The following CACNG7 variants were observed in gnomAD, a reference collection of about 807,000 sequenced individuals.
CACNG7 encodes voltage-dependent calcium channel gamma-7 subunit.
A neutral mutation model predicts 26.3 loss-of-function variants in CACNG7; 9 were observed. The ratio of observed to expected loss-of-function variants is 0.34; its 90% CI spans 0.21 to 0.60. The LOEUF is 0.60. Among genes scored for constraint, CACNG7 ranks in the 20% least tolerant of loss-of-function variants. The pLI is 0.81. For synonymous variants in CACNG7, 170 were observed against 157.0 expected (o/e 1.08, Z -0.62); for missense variants, 297 against 380.4 (o/e 0.78, Z 1.82).
At chr19:53,936,595 T>C (rs2069106627) in intron 4 of CACNG7, among the ~76,000 whole-genome samples, 1 of 152,188 alleles carries the variant, frequency 6.6e-6, no homozygotes, top group Non-Finnish European at 1.5e-5. Context: ...TATTTTATTC[T>C]ATTTTGTTTT....
chr19:53,929,492 T>C (rs898100968), intron 4 of CACNG7, among the ~76,000 whole-genome samples: 1 of 152,226 alleles, frequency 6.6e-6, no homozygotes, highest in African/African-American at 2.4e-5. Context: ...AGTCTCGCTC[T>C]GTCGCCCAGG....
At chr19:53,914,632 G>A (rs2068883323) in intron 3 of CACNG7, 46 bp downstream of exon 3, 2 of 1,554,266 alleles carry the variant, frequency 1.3e-6, no homozygotes, top group Non-Finnish European at 1.8e-6. Context: ...CAAGATCACA[G>A]CCGAGTCGTG....
At position 53,910,364 on chromosome 19, in the gene CACNG7, G is replaced by A. The variant is rs575500137; in HGVS notation, c.-30+847G>A. On this transcript the variant is annotated intron_variant, in intron 1 of 5. Coordinates refer to ENST00000391767, the MANE Select transcript of CACNG7 (RefSeq NM_031896.5). ...GATCTCGGAGGCCTCCAAGAGGTTG[G>A]GGGGGAAGGAGGGGGGATCTGGAGG... Among the ~76,000 whole-genome samples, 7 of 151,938 alleles carry A rather than the reference G, an allele frequency of 4.6e-5. 1 individual carries two copies. The highest frequency in any genetic ancestry group is 1.2e-4 in the African/African-American group (5 of 41,340).
In CACNG7 at chr19:53,913,603, A is replaced by G. The variant is rs79208868; in HGVS notation, c.196+576A>G. ...CACCACTGCCACTGCGCTCCAGCCT[A>G]GGAGACAGAGTGAGACTCCATCTCA... On this transcript the variant is annotated intron_variant, in intron 2 of 5. Transcript: ENST00000391767. Among the ~76,000 whole-genome samples, 1,440 of 151,824 alleles carry G rather than the reference A, an allele frequency of 9.5e-3. 14 individuals carry two copies. Among genetic ancestry groups the G allele is most frequent in the African/African-American group, 0.032 (1,344 of 41,442 alleles).
intron 4 of CACNG7, among the ~76,000 whole-genome samples, chr19:53,933,529 T>C (rs1334530162): frequency 1.3e-5 from 2 of 151,914 alleles, no homozygotes; most frequent in African/African-American, 2.4e-5. Flanking sequence ...CTCAAACTCC[T>C]GACCTCAGGT....
At chr19:53,917,357 G>T (rs79934062) in intron 4 of CACNG7, among the ~76,000 whole-genome samples, 20,252 of 152,102 alleles carry the variant, frequency 0.13, 3,569 homozygotes, top group African/African-American at 0.41. Context: ...GCATGTCTCA[G>T]CTCCATTCTG....
intron 4 of CACNG7, among the ~76,000 whole-genome samples, chr19:53,916,487 C>CTTTCT (rs1257022765): frequency 2.1e-5 from 2 of 95,462 alleles, no homozygotes; most frequent in Non-Finnish European, 2.0e-5. Flanking sequence ...TTCTTTCTTT[C>CTTTCT]TTTTTTTTTT....
At chr19:53,910,189 C>T (rs1439698226) in intron 1 of CACNG7, among the ~76,000 whole-genome samples, 2 of 152,268 alleles carry the variant, frequency 1.3e-5, no homozygotes, top group African/African-American at 4.8e-5. Flanking sequence ...GATCGGCTAC[C>T]TGGGATGGAG....
intron 4 of CACNG7, among the ~76,000 whole-genome samples, chr19:53,919,528 T>C (rs913279463): frequency 7.0e-6 from 1 of 142,578 alleles, no homozygotes; most frequent in Non-Finnish European, 1.5e-5. Context: ...ATTGGTGGAG[T>C]TGCCTCAGGT....
At chr19:53,930,299 C>A (rs2069062916) in intron 4 of CACNG7, among the ~76,000 whole-genome samples, 2 of 151,968 alleles carry the variant, frequency 1.3e-5, no homozygotes, top group African/African-American at 4.8e-5. Flanking sequence ...ACCTCTGCCC[C>A]CTGGGTTCAA....
chr19:53,918,288 C>T (rs2068911375), intron 4 of CACNG7, among the ~76,000 whole-genome samples: 2 of 152,300 alleles, frequency 1.3e-5, no homozygotes, highest in Middle Eastern at 3.4e-3. Context: ...TTTTAGGCTA[C>T]GTGAGCCATA....
chr19:53,915,079 A>G (rs1422433581), intron 3 of CACNG7, among the ~76,000 whole-genome samples: 1 of 151,692 alleles, frequency 6.6e-6, no homozygotes, highest in Admixed American at 6.6e-5. Context: ...AAGGAGAAAG[A>G]GCAAGGTTGA....
At chr19:53,928,821 G>A (rs955244041) in intron 4 of CACNG7, among the ~76,000 whole-genome samples, 2 of 152,044 alleles carry the variant, frequency 1.3e-5, no homozygotes, top group African/African-American at 4.8e-5. Flanking sequence ...TACAGAATAA[G>A]GCCTGAAGGC....
chr19:53,919,493 T>C (rs1419974576), intron 4 of CACNG7, among the ~76,000 whole-genome samples: 2 of 136,836 alleles, frequency 1.5e-5, no homozygotes, highest in Admixed American at 7.6e-5. Context: ...GTCTGGTCAT[T>C]GGTGGAGTTG....
rs984186296 is a variant in CACNG7 at position 53,941,148 on chromosome 19, G to C, written c.425-322G>C. On this transcript the variant is annotated intron_variant, in intron 4 of 5. Transcript: ENST00000391767. ...TCTTGCCCCTGCCCCAGGCAGGTTT[G>C]GCACTCCTTCCAGAGTCCCACACAG... Among the ~76,000 whole-genome samples the C allele has an allele frequency of 6.8e-4, 103 of 152,240 alleles. 1 individual carries two copies. The highest frequency in any genetic ancestry group is 2.2e-3 in the African/African-American group (91 of 41,558).
At position 53,942,605 on chromosome 19, in the gene CACNG7, A is replaced by C; in HGVS notation, c.*312A>C. 8.0e-7 allele frequency: 1 copy of C among 1,250,670 alleles called. No individual in the cohort carries two copies. The allele number at this position is 1,250,670 out of a possible 1,614,324, so 77.5% of individuals were successfully genotyped here. A position where few individuals can be genotyped will look rare whatever the true frequency, so the allele number is the denominator to read the frequency against. ...AAAATTAGCTCCTCCCTCGTTCTCC[A>C]CCTGCTCTGAGCTGGGAGCAGCCAG... On this transcript the variant is annotated 3_prime_UTR_variant, in exon 6 of 6. Transcript: ENST00000391767. The surrounding 1 kb of genome is among the most constrained non-coding windows in gnomAD (Gnocchi z 5.9).
intron 4 of CACNG7, among the ~76,000 whole-genome samples, chr19:53,938,397 G>A (rs116382154): frequency 1.3e-5 from 2 of 151,986 alleles, no homozygotes; most frequent in African/African-American, 2.4e-5. Flanking sequence ...AAAGAAACAA[G>A]GAGAAACTGA....
At chr19:53,933,297 ATTTTTTTT>A (rs1009491295) in intron 4 of CACNG7, among the ~76,000 whole-genome samples, 2 of 126,062 alleles carry the variant, frequency 1.6e-5, no homozygotes, top group Non-Finnish European at 3.4e-5. Context: ...CGCCTGGCCA[ATTTTTTTT>A]TTTTTTTTTT....
At chr19:53,928,892 C>T (rs534388361) in intron 4 of CACNG7, among the ~76,000 whole-genome samples, 22 of 151,918 alleles carry the variant, frequency 1.4e-4, no homozygotes, top group Middle Eastern at 3.4e-3. Context: ...TGGCGGATCA[C>T]GAAGTCAGGG....
Sources: gnomAD v4.1 joint callset for allele counts (sites outside exome capture counted in the v4.1 genomes callset) on GRCh38, gnomAD v4.1.1 for gene constraint, Gnocchi (gnomAD v3.1) non-coding constraint, MANE v1.5 for transcripts, NCBI Gene and HGNC (gene_info 2026-07-23, HGNC 2026-07-21) for gene names.